The following PTGER3 variants were observed in gnomAD, a reference collection of about 807,000 sequenced individuals.
PTGER3 encodes the protein prostaglandin E receptor 3, also known as prostaglandin E2 receptor EP3 subtype.
A neutral mutation model predicts 34.7 loss-of-function variants in PTGER3; 22 were observed. That is an observed-to-expected ratio of 0.63 (90% CI 0.45 to 0.91). The LOEUF is 0.91. PTGER3 is among the 40% of genes least tolerant of loss of function. The pLI is 0.00. For synonymous variants in PTGER3, 241 were observed against 230.1 expected (o/e 1.05, Z -0.43); for missense variants, 468 against 519.4 (o/e 0.90, Z 0.96).
chr1:70,907,908 G>C (rs892365250), intron 4 of PTGER3, among the ~76,000 whole-genome samples: 1 of 152,076 alleles, frequency 6.6e-6, no homozygotes, highest in Non-Finnish European at 1.5e-5. Flanking sequence ...GAGTAGTGAG[G>C]GGAAATTCTC....
chr1:70,981,387 CT>C (rs1557708658), intron 2 of PTGER3, among the ~76,000 whole-genome samples: 1,165 of 65,690 alleles, frequency 0.018, 8 homozygotes, highest in Middle Eastern at 0.043. Context: ...TTCTTTCTTT[CT>C]TTCTTTCCTT....
At chr1:71,038,147 T>C (rs12726996) in intron 1 of PTGER3, among the ~76,000 whole-genome samples, 5,942 of 152,288 alleles carry the variant, frequency 0.039, 173 homozygotes, top group Non-Finnish European at 0.057. Flanking sequence ...ACTTCTTTTT[T>C]CCAAATTTTT....
chr1:71,008,568 G>A, intron 2 of PTGER3: 1 of 979,002 alleles, frequency 1.0e-6, no homozygotes, highest in Non-Finnish European at 1.2e-6. Flanking sequence ...GTTTAGGTTG[G>A]TTATTAAATT....
chr1:70,968,318 T>G (rs1470714612), downstream of PTGER3, among the ~76,000 whole-genome samples: 1 of 152,228 alleles, frequency 6.6e-6, no homozygotes, highest in Non-Finnish European at 1.5e-5. Flanking sequence ...GTTTCACATA[T>G]GTATCCCACA....
intron 2 of PTGER3, chr1:71,008,948 T>C (rs2100843711): frequency 5.1e-6 from 5 of 983,284 alleles, no homozygotes; most frequent in East Asian, 1.1e-4. Context: ...GGTTAAATTA[T>C]GAAAATAAAT....
chr1:71,017,792 T>A lies in PTGER3; in HGVS notation c.898-5308A>T, dbSNP rs1026893269. Among the ~76,000 whole-genome samples the A allele has an allele frequency of 6.6e-5, 10 of 152,180 alleles. No homozygotes were observed. In the South Asian group the frequency reaches 1.2e-3, roughly 19 times the overall value. ...AGCAGAACCTGTGCTTTTGAGACAG[T>A]CTTGCTCTGTTCCCCAGGCTGGAAT... On this transcript the variant is annotated intron_variant, in intron 1 of 3. Coordinates refer to ENST00000306666, the MANE Select transcript of PTGER3 (RefSeq NM_198719.2).
chr1:71,012,557 C>T (rs1403839460), intron 1 of PTGER3, 73 bp from the exon 2 acceptor site: 4 of 1,341,790 alleles, frequency 3.0e-6, no homozygotes, highest in Non-Finnish European at 4.1e-6. Flanking sequence ...CTGTACTTTG[C>T]ACATAGTTGG....
At chr1:70,868,549 T>C (rs1035749498) in intron 4 of PTGER3, among the ~76,000 whole-genome samples, 1 of 152,150 alleles carries the variant, frequency 6.6e-6, no homozygotes, top group African/African-American at 2.4e-5. Flanking sequence ...TGTGTGCAGG[T>C]AGAAAGATCA....
chr1:70,923,497 G>T (rs973227581), intron 4 of PTGER3, among the ~76,000 whole-genome samples: 11 of 152,108 alleles, frequency 7.2e-5, no homozygotes, highest in African/African-American at 2.7e-4. Context: ...GTTCTTAAAT[G>T]GAGGTTTCTG....
At chr1:70,873,536 TA>T (rs1646207740) in intron 4 of PTGER3, among the ~76,000 whole-genome samples, 1 of 152,200 alleles carries the variant, frequency 6.6e-6, no homozygotes, top group African/African-American at 2.4e-5. Context: ...CTAAATTGTA[TA>T]AAATTTAGAG....
At chr1:70,993,727 T>G (rs1217943276) in intron 2 of PTGER3, among the ~76,000 whole-genome samples, 2 of 152,084 alleles carry the variant, frequency 1.3e-5, no homozygotes, top group East Asian at 3.9e-4. Context: ...TGGTTAAGTA[T>G]AGTAATAAGC....
At chr1:70,922,564 G>C (rs1048843568) in intron 4 of PTGER3, among the ~76,000 whole-genome samples, 1 of 151,884 alleles carries the variant, frequency 6.6e-6, no homozygotes, top group South Asian at 2.1e-4. Context: ...CTGCACTTCT[G>C]TCTGGGTCCT....
chr1:70,905,386 G>A (rs1372268700), intron 4 of PTGER3, among the ~76,000 whole-genome samples: 1 of 152,022 alleles, frequency 6.6e-6, no homozygotes, highest in Non-Finnish European at 1.5e-5. Flanking sequence ...CTGACAGCCT[G>A]CACCATGCAC....
downstream of PTGER3, among the ~76,000 whole-genome samples, chr1:70,952,010 A>G (rs187630136): frequency 6.6e-6 from 1 of 152,078 alleles, no homozygotes; most frequent in African/African-American, 2.4e-5. Context: ...TAGGGAAAAA[A>G]GTGGGATAGC....
Position 70,897,177 on chromosome 1 carries a change from T to G in PTGER3, c.*24-44318A>C, listed in dbSNP as rs565042237. ...CCTTTGTCCTCCCAGGCAAGCTACA[T>G]AAGAGGAGGTTAGGGACAGTGAGGT... On this transcript the variant is annotated intron_variant, in intron 4 of 4. Transcript: ENST00000370931. 3.9e-5 allele frequency among the ~76,000 whole-genome samples: 6 copies of G among 152,108 alleles called. No homozygotes were observed. The South Asian group carries it at 1.2e-3, about 32-fold the overall frequency.
chr1:70,985,321 C>G (rs1352033964), intron 2 of PTGER3, among the ~76,000 whole-genome samples: 1 of 152,136 alleles, frequency 6.6e-6, no homozygotes, highest in Non-Finnish European at 1.5e-5. Context: ...CTCCTCCAGC[C>G]TCCCTGAAGT....
downstream of PTGER3, among the ~76,000 whole-genome samples, chr1:70,952,079 G>T (rs1650813705): frequency 6.6e-6 from 1 of 152,058 alleles, no homozygotes; most frequent in Non-Finnish European, 1.5e-5. Flanking sequence ...TGAGTGGGCT[G>T]GTGGGGGCAA....
intron 4 of PTGER3, among the ~76,000 whole-genome samples, chr1:70,939,605 A>G (rs1289575136): frequency 1.3e-5 from 2 of 152,232 alleles, no homozygotes; most frequent in East Asian, 1.9e-4. Context: ...CCAAACCTCA[A>G]TTCTTGCCTT....
chr1:70,888,556 C>T (rs941984892), intron 4 of PTGER3, among the ~76,000 whole-genome samples: 1 of 152,058 alleles, frequency 6.6e-6, no homozygotes, highest in Non-Finnish European at 1.5e-5. Context: ...ATTTCCAGTA[C>T]ACAATATCAT....
Sources: gnomAD v4.1 joint callset for allele counts (sites outside exome capture counted in the v4.1 genomes callset) on GRCh38, gnomAD v4.1.1 for gene constraint, MANE v1.5 for transcripts, NCBI Gene and HGNC (gene_info 2026-07-23, HGNC 2026-07-21) for gene names.